Variants in FAM53B observed in about 807,000 individuals in gnomAD.
The protein encoded by FAM53B is family with sequence similarity 53 member B.
FAM53B carries 12 observed loss-of-function variants against 32.7 expected under a neutral mutation model. The ratio of observed to expected loss-of-function variants is 0.37; its 90% CI spans 0.24 to 0.59. FAM53B has a LOEUF of 0.59. FAM53B is among the 20% of genes least tolerant of loss of function. The pLI, the probability that FAM53B is intolerant of heterozygous loss-of-function variation, is 0.72. For missense variants in FAM53B, 477 were observed against 577.7 expected (o/e 0.83, Z 1.79); for synonymous variants, 234 against 228.7 (o/e 1.02, Z -0.21).
chr10:124,685,777 T>C (rs113733992), intron 3 of FAM53B, among the ~76,000 whole-genome samples: 2,602 of 152,272 alleles, frequency 0.017, 87 homozygotes, highest in African/African-American at 0.06. Flanking sequence ...CCCATCTGCC[T>C]TCCTTTCCCA....
intron 3 of FAM53B, among the ~76,000 whole-genome samples, chr10:124,683,052 T>C (rs1949783168): frequency 6.6e-6 from 1 of 152,224 alleles, no homozygotes; most frequent in Admixed American, 6.5e-5. Flanking sequence ...GTTCACTCGA[T>C]TTTTCACTTA....
At chr10:124,638,263 G>A (rs572146569) in intron 4 of FAM53B, among the ~76,000 whole-genome samples, 7 of 152,086 alleles carry the variant, frequency 4.6e-5, no homozygotes, top group Admixed American at 6.6e-5. Flanking sequence ...CCAGCTACTC[G>A]GGAGGCTGAG....
At chr10:124,643,510 C>T (rs1275364780) in intron 4 of FAM53B, among the ~76,000 whole-genome samples, 2 of 152,264 alleles carry the variant, frequency 1.3e-5, no homozygotes, top group Non-Finnish European at 2.9e-5. Flanking sequence ...ACTCGTCGCC[C>T]GGGCCCGGCC....
intron 4 of FAM53B, among the ~76,000 whole-genome samples, chr10:124,642,444 C>T (rs548664967): frequency 1.3e-5 from 2 of 152,332 alleles, no homozygotes; most frequent in African/African-American, 4.8e-5. Flanking sequence ...AAGGGCAGCC[C>T]GGCATAGCCC....
At chr10:124,663,203 A>T (rs1249112648) in intron 4 of FAM53B, among the ~76,000 whole-genome samples, 1 of 152,216 alleles carries the variant, frequency 6.6e-6, no homozygotes, top group Non-Finnish European at 1.5e-5. Context: ...ACACACATAA[A>T]GTGCAAGCCT....
chr10:124,713,198 G>A (rs895123067), intron 1 of FAM53B, among the ~76,000 whole-genome samples: 1 of 152,200 alleles, frequency 6.6e-6, no homozygotes, highest in Non-Finnish European at 1.5e-5. Flanking sequence ...ACGTTCCTAT[G>A]AACAGGCATT....
At chr10:124,667,946 C>T (rs1479783897) in intron 4 of FAM53B, among the ~76,000 whole-genome samples, 1 of 152,138 alleles carries the variant, frequency 6.6e-6, no homozygotes, top group African/African-American at 2.4e-5. Flanking sequence ...GGAGGGGCAG[C>T]GACTTGCTCA....
intron 1 of FAM53B, among the ~76,000 whole-genome samples, chr10:124,724,196 T>C (rs1353345138): frequency 7.9e-5 from 12 of 152,202 alleles, no homozygotes. Context: ...GGCATGAGTG[T>C]TGGGCAGGAG....
intron 4 of FAM53B, among the ~76,000 whole-genome samples, chr10:124,666,795 G>T (rs1227390380): frequency 6.6e-6 from 1 of 152,242 alleles, no homozygotes; most frequent in Non-Finnish European, 1.5e-5. Flanking sequence ...CCACGAGGAG[G>T]GTGGAGCAGG....
At chr10:124,726,203 C>T in intron 1 of FAM53B, among the ~76,000 whole-genome samples, 1 of 152,124 alleles carries the variant, frequency 6.6e-6, no homozygotes, top group Non-Finnish European at 1.5e-5. Context: ...GACAATTTTG[C>T]ACATGAGAAA....
intron 4 of FAM53B, among the ~76,000 whole-genome samples, chr10:124,665,414 C>A (rs1348946978): frequency 6.6e-6 from 1 of 152,260 alleles, no homozygotes; most frequent in African/African-American, 2.4e-5. Flanking sequence ...TCCACTCCAA[C>A]TGATGGGCTG....
chr10:124,685,036 A>T (rs1283050824), intron 3 of FAM53B, among the ~76,000 whole-genome samples: 1 of 152,246 alleles, frequency 6.6e-6, no homozygotes, highest in East Asian at 1.9e-4. Context: ...AATAACATGG[A>T]GCATGAAGAA....
intron 1 of FAM53B, among the ~76,000 whole-genome samples, chr10:124,743,646 T>A (rs1377555261): frequency 6.6e-6 from 1 of 151,180 alleles, no homozygotes; most frequent in Admixed American, 6.6e-5. Context: ...AGGGCTCAAG[T>A]TGAGACGCGG....
intron 4 of FAM53B, among the ~76,000 whole-genome samples, chr10:124,642,578 C>T (rs1325207497): frequency 6.6e-6 from 1 of 152,220 alleles, no homozygotes; most frequent in Non-Finnish European, 1.5e-5. Flanking sequence ...AGAATGGTTG[C>T]CATCCTTCGG....
intron 4 of FAM53B, among the ~76,000 whole-genome samples, chr10:124,648,957 G>T (rs1473698604): frequency 6.6e-6 from 1 of 152,260 alleles, no homozygotes; most frequent in Admixed American, 6.5e-5. Flanking sequence ...GATGAAACTG[G>T]TGGGGGATGA....
At chr10:124,711,212 C>A (rs1057077273) in intron 1 of FAM53B, among the ~76,000 whole-genome samples, 1 of 152,124 alleles carries the variant, frequency 6.6e-6, no homozygotes, top group Non-Finnish European at 1.5e-5. Flanking sequence ...AAGAGCCAGT[C>A]CCCAAAGGCT....
intron 1 of FAM53B, among the ~76,000 whole-genome samples, chr10:124,724,578 G>A (rs1950090734): frequency 6.6e-6 from 1 of 152,186 alleles, no homozygotes; most frequent in Non-Finnish European, 1.5e-5. Flanking sequence ...CAGGCTGGTG[G>A]TTTACTCAGC....
chr10:124,665,352 G>C (rs1046563443), intron 4 of FAM53B, among the ~76,000 whole-genome samples: 2 of 152,212 alleles, frequency 1.3e-5, no homozygotes, highest in African/African-American at 4.8e-5. Flanking sequence ...CCCAGTTCCA[G>C]CCCAACTGTC....
chr10:124,648,596 T>C (rs1218751893), intron 4 of FAM53B, among the ~76,000 whole-genome samples: 1 of 152,254 alleles, frequency 6.6e-6, no homozygotes, highest in African/African-American at 2.4e-5. Flanking sequence ...CCACTAGAAA[T>C]GCAACAGCAG....
Sources: allele counts gnomAD v4.1 joint callset (sites outside exome capture counted in the v4.1 genomes callset), GRCh38; gene constraint gnomAD v4.1.1; transcripts MANE v1.5; gene names NCBI Gene and HGNC (gene_info 2026-07-23, HGNC 2026-07-21).